MELK: variants seen among roughly 807,000 people sequenced by gnomAD.
MELK encodes the protein maternal embryonic leucine zipper kinase, also known as pEg3 kinase.
Under a neutral mutation model 85.0 loss-of-function variants are expected in MELK, and 81 were observed. The observed-to-expected ratio is 0.95, with a 90% CI of 0.80 to 1.15. The LOEUF is 1.15. Ranked by LOEUF, MELK falls within the 50% of genes most tolerant of loss-of-function variation. The pLI is 0.00. For synonymous variants in MELK, 252 were observed against 265.0 expected, an observed-to-expected ratio of 0.95 and a Z score of 0.48; for missense variants, 754 against 777.5, an observed-to-expected ratio of 0.97 and a Z score of 0.36.
chr9:36,649,874 CAGG>C (rs1352147557), intron 11 of MELK, among the ~76,000 whole-genome samples: 3 of 152,114 alleles, frequency 2.0e-5, no homozygotes, highest in Admixed American at 1.3e-4. Context: ...TGGTTGAGGC[CAGG>C]AGTTCAAGAT....
At position 36,658,850 on chromosome 9, in the gene MELK, C is replaced by T. The variant is rs1294273645; in HGVS notation, c.1176+1487C>T. ...CTGAGTAGCTGGGATTACAGGCACC[C>T]GCCATCATGCCTGGCTAATTTTTTT... On this transcript the variant is annotated intron_variant, in intron 13 of 17. Coordinates refer to ENST00000298048, the MANE Select transcript of MELK (RefSeq NM_014791.4). Among the ~76,000 whole-genome samples the T allele has an allele frequency of 5.9e-5, 9 of 151,544 alleles. No homozygotes were observed. In the South Asian group the frequency reaches 1.3e-3, roughly 21 times the overall value.
intron 8 of MELK, among the ~76,000 whole-genome samples, chr9:36,629,647 T>C (rs1003510852): frequency 2.0e-5 from 3 of 152,204 alleles, no homozygotes; most frequent in African/African-American, 7.2e-5. Context: ...TATAAACTAA[T>C]AATTGTTTCA....
intron 13 of MELK, among the ~76,000 whole-genome samples, chr9:36,663,670 C>G (rs560118202): frequency 6.6e-6 from 1 of 152,254 alleles, no homozygotes; most frequent in African/African-American, 2.4e-5. Flanking sequence ...TTAAGGTAAC[C>G]TCCACTTCCA....
chr9:36,643,591 C>T (rs1478534249), intron 11 of MELK, among the ~76,000 whole-genome samples: 1 of 152,014 alleles, frequency 6.6e-6, no homozygotes, highest in Non-Finnish European at 1.5e-5. Flanking sequence ...TAAAAATGAA[C>T]ACTCCATACT....
At chr9:36,665,731 A>G (rs1337097673) in intron 14 of MELK, 150 bp downstream of exon 14, 2 of 578,676 alleles carry the variant, frequency 3.5e-6, no homozygotes, top group Non-Finnish European at 5.9e-6. Flanking sequence ...CATTAGTTAA[A>G]ATGAAAGCAT....
intron 7 of MELK, among the ~76,000 whole-genome samples, chr9:36,606,617 A>G (rs1241058411): frequency 6.8e-6 from 1 of 147,342 alleles, no homozygotes. Flanking sequence ...ACATATGTAT[A>G]GGTGTATATA....
At chr9:36,601,087 C>CTA (rs1021465047) in intron 7 of MELK, among the ~76,000 whole-genome samples, 1 of 151,816 alleles carries the variant, frequency 6.6e-6, no homozygotes, top group African/African-American at 2.4e-5. Flanking sequence ...CTCAATATTT[C>CTA]TATATATATT....
intron 3 of MELK, among the ~76,000 whole-genome samples, chr9:36,585,311 T>G (rs2135153786): frequency 7.1e-6 from 1 of 141,252 alleles, no homozygotes; most frequent in South Asian, 2.4e-4. Flanking sequence ...TGTTTTTTTT[T>G]TTTTTTTTTT....
intron 4 of MELK, among the ~76,000 whole-genome samples, chr9:36,589,858 G>T (rs1321574431): frequency 6.6e-6 from 1 of 151,574 alleles, no homozygotes; most frequent in Non-Finnish European, 1.5e-5. Flanking sequence ...CCCTAATGGG[G>T]TAGTATGGTT....
chr9:36,650,261 A>T (rs1353478478), intron 11 of MELK, among the ~76,000 whole-genome samples: 3 of 13,464 alleles, frequency 2.2e-4, no homozygotes, highest in Non-Finnish European at 7.5e-4. Context: ...ATTAAAAATT[A>T]AAAAAAAAAT....
chr9:36,652,850 T>C (rs1830847493), intron 12 of MELK, among the ~76,000 whole-genome samples: 1 of 152,108 alleles, frequency 6.6e-6, no homozygotes, highest in African/African-American at 2.4e-5. Flanking sequence ...GTCTTTCCAG[T>C]CTTTTTTTTA....
chr9:36,647,430 C>T (rs1220486355), intron 11 of MELK, among the ~76,000 whole-genome samples: 1 of 151,922 alleles, frequency 6.6e-6, no homozygotes, highest in African/African-American at 2.4e-5. Context: ...ATATTTTCCA[C>T]CCCACCATAG....
At chr9:36,608,265 A>G (rs1825748068) in intron 8 of MELK, among the ~76,000 whole-genome samples, 1 of 134,038 alleles carries the variant, frequency 7.5e-6, no homozygotes. Flanking sequence ...GCGACAGAGC[A>G]AGACTCTGTC....
At chr9:36,669,806 T>C (rs369063933) in intron 15 of MELK, among the ~76,000 whole-genome samples, 1 of 152,224 alleles carries the variant, frequency 6.6e-6, no homozygotes, top group Non-Finnish European at 1.5e-5. Context: ...TGAAAAGTTC[T>C]GCAGCATAGG....
chr9:36,612,476 C>T (rs1388345034), intron 8 of MELK, among the ~76,000 whole-genome samples: 1 of 152,146 alleles, frequency 6.6e-6, no homozygotes, highest in Admixed American at 6.5e-5. Flanking sequence ...AGCTCTGCCT[C>T]CTGGGTTCAA....
chr9:36,614,510 C>T (rs1440905718), intron 8 of MELK, among the ~76,000 whole-genome samples: 1 of 118,344 alleles, frequency 8.4e-6, no homozygotes, highest in Non-Finnish European at 1.7e-5. Flanking sequence ...GGTCATGGGA[C>T]AATAGTGGAG....
chr9:36,629,846 T>TG (rs1828345164), intron 8 of MELK, among the ~76,000 whole-genome samples: 1 of 134,976 alleles, frequency 7.4e-6, no homozygotes, highest in Non-Finnish European at 1.5e-5. Context: ...AGAAATTGTT[T>TG]TTTTTTTTTT....
chr9:36,596,563 G>GTTTTTTTTT, intron 5 of MELK, among the ~76,000 whole-genome samples: 1 of 106,130 alleles, frequency 9.4e-6, no homozygotes, highest in Non-Finnish European at 1.8e-5. Flanking sequence ...GGCCCTTTTT[G>GTTTTTTTTT]TTTTTTTTGT....
At chr9:36,660,314 C>T (rs578021781) in intron 13 of MELK, among the ~76,000 whole-genome samples, 41 of 152,172 alleles carry the variant, frequency 2.7e-4, no homozygotes, top group African/African-American at 8.7e-4. Flanking sequence ...CAACAATTGC[C>T]TGTAAATTTT....
Sources: allele counts gnomAD v4.1 joint callset (sites outside exome capture counted in the v4.1 genomes callset), GRCh38; gene constraint gnomAD v4.1.1; transcripts MANE v1.5; gene names NCBI Gene and HGNC (gene_info 2026-07-23, HGNC 2026-07-21).